Variants in ATP10D observed in about 807,000 individuals in gnomAD.
ATP10D encodes phospholipid-transporting ATPase VD.
ATP10D carries 89 observed loss-of-function variants against 144.8 expected under a neutral mutation model. That is an observed-to-expected ratio of 0.61 (90% CI 0.52 to 0.73). The LOEUF (loss-of-function observed/expected upper bound fraction) is 0.73. Among genes scored for constraint, ATP10D ranks in the 30% least tolerant of loss-of-function variants. The pLI is 0.00. For synonymous variants in ATP10D, 571 were observed against 615.1 expected (o/e 0.93, Z 1.06); for missense variants, 1,603 against 1,714.8 (o/e 0.93, Z 1.15).
At chr4:47,570,838 A>G (rs985952070) in intron 16 of ATP10D, among the ~76,000 whole-genome samples, 14 of 152,122 alleles carry the variant, frequency 9.2e-5, no homozygotes, top group African/African-American at 3.4e-4. Flanking sequence ...AAAGAAAAAA[A>G]GAGTCTAGTG....
intron 13 of ATP10D, 45 bp downstream of exon 13, chr4:47,559,074 T>G (rs372239038): frequency 2.0e-6 from 3 of 1,499,202 alleles, no homozygotes. Flanking sequence ...TTTTCCCTTG[T>G]TTAGCTATCA....
At chr4:47,523,353 C>A in intron 4 of ATP10D, 137 bp downstream of exon 4, 1 of 723,788 alleles carries the variant, frequency 1.4e-6, no homozygotes, top group Non-Finnish European at 2.3e-6. Flanking sequence ...AGGTTTCATT[C>A]ACTTCCAGAT....
At chr4:47,581,349 G>C (rs1034145790) in intron 20 of ATP10D, among the ~76,000 whole-genome samples, 4 of 152,124 alleles carry the variant, frequency 2.6e-5, no homozygotes, top group East Asian at 3.8e-4. Flanking sequence ...TTTTATCATG[G>C]GTGGTGTTAA....
At chr4:47,584,302 T>C (rs1720674078) in intron 21 of ATP10D, among the ~76,000 whole-genome samples, 1 of 152,218 alleles carries the variant, frequency 6.6e-6, no homozygotes, top group Non-Finnish European at 1.5e-5. Flanking sequence ...CACTTCTTTG[T>C]ATCAATTAAC....
rs757404247 is a variant in ATP10D at position 47,576,351 on chromosome 4, TTAGA to T, written c.3367-417_3367-414del. On this transcript the variant is annotated intron_variant, in intron 18 of 22. Coordinates refer to ENST00000273859, the MANE Select transcript of ATP10D (RefSeq NM_020453.4). ...CAGACCACAGGAAAGGACATTGGTC[TTAGA>T]TAGAGGGAGTTTTGTTTCAAGAGGA... is the stretch of plus-strand genomic sequence containing the variant. Among the ~76,000 whole-genome samples the T allele has an allele frequency of 6.6e-4, 101 of 152,268 alleles. 1 individual carries two copies. The highest frequency in any genetic ancestry group is 2.1e-4 in the South Asian group (1 of 4,822).
rs1715096690 is a variant in ATP10D, at chr4:47,491,810, CTCT to C, written c.-38+6297_-38+6299del. 2.0e-5 allele frequency among the ~76,000 whole-genome samples: 3 copies of C among 152,102 alleles called. No homozygotes were observed. In the South Asian group the frequency reaches 6.2e-4, roughly 31 times the overall value. On this transcript the variant is annotated intron_variant, in intron 1 of 22. Transcript: ENST00000273859. ...TACCTTCTTTTCTGGGAAGCCTTTC[CTCT>C]TCTTCCTTTCTATCCTCTGACCTCG... is the stretch of plus-strand genomic sequence containing the variant.
intron 19 of ATP10D, among the ~76,000 whole-genome samples, chr4:47,578,902 T>C (rs531944233): frequency 6.6e-6 from 1 of 152,298 alleles, no homozygotes; most frequent in East Asian, 1.9e-4. Context: ...AATGGAAGAA[T>C]GTATATGGAG....
Position 47,558,014 on chromosome 4 carries a change from C to G in ATP10D, c.2175C>G (p.Ala725=). The G allele has an allele frequency of 6.2e-7, 1 of 1,614,096 alleles. No individual in the cohort carries two copies. The highest frequency in any genetic ancestry group is 8.5e-7 in the Non-Finnish European group (1 of 1,179,970). The change falls in exon 12 of 23, where the codon GCC becomes GCG. Residue 725 remains alanine (A), a synonymous_variant. Transcript: ENST00000273859. ...QPLACNLCYE[A]ESPDEAALVY... ...TGGCCTGCAACCTGTGTTATGAGGC[C>G]GAGAGCCCAGACGAAGCGGCCTTAG...
chr4:47,504,656 G>A (rs1419549051), intron 1 of ATP10D, among the ~76,000 whole-genome samples: 5 of 151,956 alleles, frequency 3.3e-5, no homozygotes, highest in Non-Finnish European at 5.9e-5. Context: ...TCCGCCTCCC[G>A]GGTTCACGCC....
intron 1 of ATP10D, among the ~76,000 whole-genome samples, chr4:47,508,415 C>T (rs191608423): frequency 6.6e-6 from 1 of 152,162 alleles, no homozygotes; most frequent in African/African-American, 2.4e-5. Context: ...AACACTTAAA[C>T]AGGAGAGTGG....
At chr4:47,549,501 G>A (rs927358402) in intron 10 of ATP10D, among the ~76,000 whole-genome samples, 1 of 152,170 alleles carries the variant, frequency 6.6e-6, no homozygotes, top group Non-Finnish European at 1.5e-5. Flanking sequence ...TGGCACCATA[G>A]ATTAGCAATA....
At chr4:47,507,499 T>C (rs1716080038) in intron 1 of ATP10D, among the ~76,000 whole-genome samples, 1 of 152,206 alleles carries the variant, frequency 6.6e-6, no homozygotes, top group African/African-American at 2.4e-5. Flanking sequence ...AGGTGAATGA[T>C]ACAATCACAA....
At chr4:47,530,820 A>T (rs1308627298) in intron 5 of ATP10D, among the ~76,000 whole-genome samples, 2 of 152,214 alleles carry the variant, frequency 1.3e-5, no homozygotes, top group South Asian at 4.1e-4. Flanking sequence ...ATGTTAAACT[A>T]TCCTTCTGTC....
intron 9 of ATP10D, among the ~76,000 whole-genome samples, chr4:47,538,144 A>G (rs1455404591): frequency 6.6e-6 from 1 of 152,096 alleles, no homozygotes; most frequent in East Asian, 1.9e-4. Flanking sequence ...TTAGCACTTC[A>G]TTGTCTTAAT....
intron 9 of ATP10D, 45 bp downstream of exon 9, chr4:47,536,983 T>C: frequency 1.3e-6 from 2 of 1,551,296 alleles, no homozygotes; most frequent in Non-Finnish European, 1.7e-6. Context: ...CATTGGTCTT[T>C]TTTTGAAACC....
chr4:47,534,084 G>C (rs149709356), intron 5 of ATP10D, among the ~76,000 whole-genome samples: 1 of 152,252 alleles, frequency 6.6e-6, no homozygotes, highest in African/African-American at 2.4e-5. Flanking sequence ...TGGTTGGTAT[G>C]TCTCTACATT....
intron 1 of ATP10D, among the ~76,000 whole-genome samples, chr4:47,485,885 TCA>T (rs1202059228): frequency 6.9e-5 from 10 of 144,908 alleles, no homozygotes; most frequent in Admixed American, 2.8e-4. Flanking sequence ...ACACACGCAT[TCA>T]CACACACACA....
chr4:47,550,500 C>A lies in ATP10D; in HGVS notation c.1635+3638C>A, dbSNP rs561976349. Among the ~76,000 whole-genome samples the A allele has an allele frequency of 3.2e-4, 49 of 152,048 alleles. 1 individual carries two copies. In the South Asian group the frequency reaches 5.8e-3, roughly 18 times the overall value. On this transcript the variant is annotated intron_variant, in intron 10 of 22. Transcript: ENST00000273859. ...ATGTCATGGGGTTGGGGGGGGCGGT[C>A]CTTGCTCCCAGAGCTCCCAAGATGG...
rs1719987414 is a variant in ATP10D at position 47,572,171 on chromosome 4, G to T, written c.3181G>T (p.Val1061Phe). The T allele has an allele frequency of 6.2e-7, 1 of 1,614,074 alleles. No individual in the cohort carries two copies. The highest frequency in any genetic ancestry group is 8.5e-7 in the Non-Finnish European group (1 of 1,179,972). ...TLAIGDGAND[V>F]SMIQVADIGI... is the part of the protein sequence containing the mutation. The stretch of plus-strand genomic sequence containing the variant: ...TCATGAAGGTGATGGTGCCAATGAT[G>T]TTAGCATGATACAAGTGGCAGACAT... The change falls in exon 17 of 23, where the codon GTT becomes TTT. Residue 1061 changes from valine to phenylalanine, a missense_variant. Physicochemically the swap from Val to Phe is conservative, Grantham distance 50. Transcript: ENST00000273859.
Sources: gnomAD v4.1 joint callset for allele counts (sites outside exome capture counted in the v4.1 genomes callset) on GRCh38, gnomAD v4.1.1 for gene constraint, MANE v1.5 for transcripts, NCBI Gene and HGNC (gene_info 2026-07-23, HGNC 2026-07-21) for gene names.